PCK2: variants seen among roughly 807,000 people sequenced by gnomAD.
PCK2 encodes the protein phosphoenolpyruvate carboxykinase [GTP], mitochondrial.
A neutral mutation model predicts 65.9 loss-of-function variants in PCK2; 56 were observed. The observed-to-expected ratio is 0.85, with a 90% CI of 0.69 to 1.06. PCK2 has a LOEUF of 1.06. Among genes scored for constraint, PCK2 ranks in the 50% least tolerant of loss-of-function variants. PCK2 has a pLI of 0.00. For synonymous variants in PCK2, 305 were observed against 319.6 expected (o/e 0.95, Z 0.49); for missense variants, 843 against 863.1 (o/e 0.98, Z 0.29).
chr14:24,100,438 T>C, intron 7 of PCK2: 1 of 1,019,372 alleles, frequency 9.8e-7, no homozygotes, highest in South Asian at 1.9e-5. Flanking sequence ...TAAGCTTTAG[T>C]TTCCACATCA....
At chr14:24,102,934 T>C in intron 8 of PCK2, 44 bp downstream of exon 8, 1 of 1,586,074 alleles carries the variant, frequency 6.3e-7, no homozygotes, top group Non-Finnish European at 8.6e-7. Context: ...AAGGGCTATC[T>C]CTGTATTAGG....
chr14:24,096,882 T>C lies in PCK2; in HGVS notation c.30-10T>C, dbSNP rs764075015. The C allele has an allele frequency of 3.1e-6, 5 of 1,607,144 alleles. No homozygotes were observed. The African/African-American group carries it at 5.3e-5, about 17-fold the overall frequency. On this transcript the variant is annotated splice_polypyrimidine_tract_variant and intron_variant, in intron 1 of 9. Transcript: ENST00000216780. ...CAGCAACTAGCTCATTGCCTCTGTT[T>C]CTCCTATAGGCTTAACTGGCATGGG...
chr14:24,099,520 G>T, intron 5 of PCK2, 38 bp from the exon 6 acceptor site: 1 of 1,542,328 alleles, frequency 6.5e-7, no homozygotes. Flanking sequence ...CTGACTTTTG[G>T]TGACCTCTTT....
intron 2 of PCK2, 51 bp downstream of exon 2, chr14:24,097,188 G>C (rs1383010975): frequency 6.3e-7 from 1 of 1,585,212 alleles, no homozygotes; most frequent in Non-Finnish European, 8.6e-7. Context: ...AGGCCACTTT[G>C]GGTTCACCAA....
Position 24,094,608 on chromosome 14 carries a change from G to T in PCK2, c.29+174G>T. 1.4e-6 allele frequency: 2 copies of T among 1,461,746 alleles called. No homozygotes were observed. The highest frequency in any genetic ancestry group is 1.4e-5 in the African/African-American group (1 of 70,950). 90.5% of individuals were successfully genotyped at this position (1,461,746 alleles called of 1,614,324 possible). ...CCCGCGCCGCGCGTCTCTTGGGAGG[G>T]CAGCCGGCCGGTGCTCCTCGTTTCC... On this transcript the variant is annotated intron_variant, in intron 1 of 9. Coordinates refer to ENST00000216780, the MANE Select transcript of PCK2 (RefSeq NM_004563.4). This position sits in a 1 kb window ranked among gnomAD's most constrained non-coding sequence, Gnocchi z 4.1.
chr14:24,099,055 C>A lies in PCK2; in HGVS notation c.671C>A (p.Pro224Gln). The A allele has an allele frequency of 6.3e-7, 1 of 1,599,980 alleles. No individual in the cohort carries two copies. Among genetic ancestry groups the A allele is most frequent in the Non-Finnish European group, 8.6e-7 (1 of 1,169,448 alleles). The change falls in exon 5 of 10, where the codon CCA (proline) becomes CAA (glutamine). Residue 224 changes from proline to glutamine, a missense_variant. By Grantham distance (76) the Pro-to-Gln change is moderately conservative. Coordinates refer to ENST00000216780, the MANE Select transcript of PCK2 (RefSeq NM_004563.4). Reference sequence around the variant, plus strand: ...ATGACCCCATTGTCCCCAGGGGAGCCAGTGAGCCAGTGGCCGTGCAACCCA... The same window carrying A: ...ATGACCCCATTGTCCCCAGGGGAGCAAGTGAGCCAGTGGCCGTGCAACCCA... ...VGQPLTGQGE[P>Q]VSQWPCNPEK... is the part of the protein sequence containing the mutation.
chr14:24,097,087 C>A lies in PCK2; in HGVS notation c.225C>A (p.Thr75=), dbSNP rs2036918686. 1 of 1,613,582 alleles carries A rather than the reference C, an allele frequency of 6.2e-7. No homozygotes were observed. Among genetic ancestry groups the A allele is most frequent in the Admixed American group, 1.7e-5 (1 of 59,976 alleles). ...GTEAENTATL[T]LLEQQGLIRK... ...AGGCTGAGAATACTGCCACACTGACCCTGCTGGAGCAGCAGGGCCTCATCC... is the reference window on the plus strand; with the variant it reads ...AGGCTGAGAATACTGCCACACTGACACTGCTGGAGCAGCAGGGCCTCATCC... The change falls in exon 2 of 10, where the codon ACC becomes ACA. Residue 75 remains threonine (T), a synonymous_variant. Coordinates refer to ENST00000216780, the MANE Select transcript of PCK2 (RefSeq NM_004563.4).
At position 24,103,509 on chromosome 14, in the gene PCK2, G is replaced by A. The variant is rs376278710; in HGVS notation, c.1469-1G>A. 69 of 1,543,458 alleles carry A rather than the reference G, an allele frequency of 4.5e-5. No homozygotes were observed. Among genetic ancestry groups the A allele is most frequent in the Non-Finnish European group, 5.6e-5 (64 of 1,144,590 alleles). On this transcript the variant is annotated splice_acceptor_variant, in intron 9 of 9. Coordinates refer to ENST00000216780, the MANE Select transcript of PCK2 (RefSeq NM_004563.4). LOFTEE classifies it high-confidence loss of function. ...CCTTACCCATCTTGCTTCCCCCCCA[G>A]GGAAGATCATCATGCACGACCCATT... is the stretch of plus-strand genomic sequence containing the variant.
At chr14:24,094,193 C>CCCGGGG (rs2036741077), upstream of PCK2, 2 of 563,944 alleles carry the variant, frequency 3.5e-6, no homozygotes, top group Admixed American at 3.8e-5. This position sits in a 1 kb window ranked among gnomAD's most constrained non-coding sequence, Gnocchi z 4.1. Flanking sequence ...AGCCTGGAGC[C>CCCGGGG]CCGGGGCCGA....
chr14:24,094,839 G>C lies in PCK2; in HGVS notation c.29+405G>C. 1 of 1,318,804 alleles carries C rather than the reference G, an allele frequency of 7.6e-7. No individual in the cohort carries two copies. Among genetic ancestry groups the C allele is most frequent in the South Asian group, 1.2e-5 (1 of 81,262 alleles). 81.7% of individuals were successfully genotyped at this position (1,318,804 alleles called of 1,614,324 possible). On this transcript the variant is annotated intron_variant, in intron 1 of 9. Transcript: ENST00000216780. This position sits in a 1 kb window ranked among gnomAD's most constrained non-coding sequence, Gnocchi z 4.1. ...CTTCGAGAGGCAGCAGGGCCCTGGG[G>C]ACAAGGGTACGTGAGCCCCGGGAGA...
rs2036777172 is a variant in PCK2 at position 24,094,663 on chromosome 14, G to T, written c.29+229G>T. On this transcript the variant is annotated intron_variant, in intron 1 of 9. Transcript: ENST00000216780. This position sits in a 1 kb window ranked among gnomAD's most constrained non-coding sequence, Gnocchi z 4.1. ...GCACCTCCCCTTCTCTGCCTCGCTC[G>T]CCTCTGACCGCGCGATCTCTATCTG... 1 of 1,507,218 alleles carries T rather than the reference G, an allele frequency of 6.6e-7. No individual in the cohort carries two copies. The highest frequency in any genetic ancestry group is 8.9e-7 in the Non-Finnish European group (1 of 1,129,752). The allele number at this position is 1,507,218 out of a possible 1,614,324, so 93.4% of individuals were successfully genotyped here. A position where few individuals can be genotyped will look rare whatever the true frequency, so the allele number is the denominator to read the frequency against.
intron 7 of PCK2, chr14:24,100,697 A>G (rs1028739276): frequency 2.0e-5 from 7 of 342,654 alleles, no homozygotes; most frequent in East Asian, 1.6e-4. Flanking sequence ...CTCTGCTCCA[A>G]CTCTCCTCCT....
At position 24,103,756 on chromosome 14, in the gene PCK2, C is replaced by T; in HGVS notation, c.1715C>T (p.Pro572Leu). ...GGGGAGGACAGTGCCCGAGAGACACCCATTGGGCTGGTGCCAAAGGAAGGA... is the reference window on the plus strand; with the variant it reads ...GGGGAGGACAGTGCCCGAGAGACACTCATTGGGCTGGTGCCAAAGGAAGGA... ...LEGEDSARET[P>L]IGLVPKEGAL... Residue 572 changes from proline (P) to leucine (L), a missense_variant, in exon 10 of 10, where the codon CCC becomes CTC. Physicochemically the swap from Pro to Leu is moderately conservative, Grantham distance 98. Transcript: ENST00000216780. 6.2e-7 allele frequency: 1 copy of T among 1,614,144 alleles called. No homozygotes were observed.
intron 1 of PCK2, among the ~76,000 whole-genome samples, chr14:24,096,238 T>C (rs1312819139): frequency 6.2e-5 from 8 of 130,014 alleles, no homozygotes; most frequent in Non-Finnish European, 3.3e-5. Flanking sequence ...CTTTTTTTTT[T>C]TTTTTTTTTT....
rs772315574 is a variant in PCK2 at position 24,100,135 on chromosome 14, G to T, written c.1156G>T (p.Val386Leu). ...TGTGGCTGAGACCAGTGATGGTGGC[G>T]TGTACTGGGAGGGCATTGACCAGCC... Reference protein sequence around the residue: ...TNVAETSDGGVYWEGIDQPLP... With the variant: ...TNVAETSDGGLYWEGIDQPLP... The change falls in exon 7 of 10, where the codon GTG becomes TTG. Residue 386 changes from valine (V) to leucine (L), a missense_variant. Val to Leu is a conservative substitution (Grantham distance 32). Coordinates refer to ENST00000216780, the MANE Select transcript of PCK2 (RefSeq NM_004563.4). The T allele has an allele frequency of 3.7e-6, 6 of 1,613,618 alleles. No homozygotes were observed. The highest frequency in any genetic ancestry group is 2.5e-6 in the Non-Finnish European group (3 of 1,179,676).
At chr14:24,097,843 C>T (rs1409388879) in intron 2 of PCK2, among the ~76,000 whole-genome samples, 2 of 152,182 alleles carry the variant, frequency 1.3e-5, no homozygotes, top group African/African-American at 4.8e-5. Flanking sequence ...ATCCACCCAC[C>T]TCAGCCTCCC....
Position 24,097,203 on chromosome 14 carries a change from A to G in PCK2, c.275+66A>G, listed in dbSNP as rs917832795. ...AGGCCACTTTGGGTTCACCAAGGCA[A>G]AATCAACTTAACTAGAACATCCCAA... is the stretch of plus-strand genomic sequence containing the variant. On this transcript the variant is annotated intron_variant, in intron 2 of 9. Transcript: ENST00000216780. 5.5e-6 allele frequency: 8 copies of G among 1,459,036 alleles called. No individual in the cohort carries two copies. The African/African-American group carries it at 7.0e-5, about 13-fold the overall frequency. 90.4% of individuals were successfully genotyped at this position (1,459,036 alleles called of 1,614,324 possible).
At position 24,094,316 on chromosome 14, in the gene PCK2, T is replaced by A. The variant is rs2036749559; in HGVS notation, c.-90T>A. 9 of 1,324,976 alleles carry A rather than the reference T, an allele frequency of 6.8e-6. No individual in the cohort carries two copies. The highest frequency in any genetic ancestry group is 9.4e-6 in the Non-Finnish European group (9 of 959,980). The allele number at this position is 1,324,976 out of a possible 1,614,324, so 82.1% of individuals were successfully genotyped here. A position where few individuals can be genotyped will look rare whatever the true frequency, so the allele number is the denominator to read the frequency against. ...GCCTCCCGCCAGCCTCTGCTGTGGC[T>A]CGCTTCGCCGCGCTCCCTCCTTCCC... On this transcript the variant is annotated 5_prime_UTR_variant, in exon 1 of 10. Transcript: ENST00000216780. The surrounding 1 kb of genome is among the most constrained non-coding windows in gnomAD (Gnocchi z 4.1).
At chr14:24,101,281 G>C (rs908629145) in intron 7 of PCK2, among the ~76,000 whole-genome samples, 3 of 152,212 alleles carry the variant, frequency 2.0e-5, no homozygotes, top group African/African-American at 4.8e-5. Flanking sequence ...TTAGGATTCT[G>C]CACTGGGTGC....
Sources: allele counts gnomAD v4.1 joint callset (sites outside exome capture counted in the v4.1 genomes callset), GRCh38; gene constraint gnomAD v4.1.1; non-coding constraint Gnocchi (gnomAD v3.1); transcripts MANE v1.5; gene names NCBI Gene and HGNC (gene_info 2026-07-23, HGNC 2026-07-21).